Variants in TMOD1 observed in about 807,000 individuals in gnomAD.
The protein encoded by TMOD1 is tropomodulin-1.
TMOD1 carries 17 observed loss-of-function variants against 40.6 expected under a neutral mutation model. The ratio of observed to expected loss-of-function variants is 0.42; its 90% CI spans 0.29 to 0.63. The LOEUF (loss-of-function observed/expected upper bound fraction) is 0.63. Among genes scored for constraint, TMOD1 ranks in the 20% least tolerant of loss-of-function variants. The pLI is 0.22. For synonymous variants in TMOD1, 181 were observed against 175.0 expected (o/e 1.03, Z -0.27); for missense variants, 391 against 447.6 (o/e 0.87, Z 1.14).
At chr9:97,571,972 A>G (rs1830825240) in intron 8 of TMOD1, among the ~76,000 whole-genome samples, 1 of 152,178 alleles carries the variant, frequency 6.6e-6, no homozygotes, top group Non-Finnish European at 1.5e-5. Flanking sequence ...ACCCTCCAGA[A>G]GTTTCCTCAC....
intron 1 of TMOD1, among the ~76,000 whole-genome samples, chr9:97,505,337 T>C (rs1472052455): frequency 6.6e-6 from 1 of 152,288 alleles, no homozygotes; most frequent in South Asian, 2.1e-4. Context: ...CGCATGTCCA[T>C]CCCTGTCTCA....
chr9:97,558,441 G>A (rs1014281400), intron 4 of TMOD1, among the ~76,000 whole-genome samples: 1 of 151,980 alleles, frequency 6.6e-6, no homozygotes, highest in Non-Finnish European at 1.5e-5. Flanking sequence ...CTGTTTGTTT[G>A]TTTGTTTGTT....
chr9:97,584,254 A>C (rs1443865387), intron 8 of TMOD1, among the ~76,000 whole-genome samples: 1 of 152,156 alleles, frequency 6.6e-6, no homozygotes, highest in Non-Finnish European at 1.5e-5. Context: ...TCATTTCGTT[A>C]TGTACCCAGT....
intron 1 of TMOD1, among the ~76,000 whole-genome samples, chr9:97,506,404 T>C (rs966101078): frequency 6.6e-6 from 1 of 152,112 alleles, no homozygotes; most frequent in Non-Finnish European, 1.5e-5. Flanking sequence ...TTTTAATAAA[T>C]GGCTGACCAC....
intron 4 of TMOD1, among the ~76,000 whole-genome samples, chr9:97,556,835 G>A (rs931983545): frequency 6.6e-6 from 1 of 152,236 alleles, no homozygotes; most frequent in Non-Finnish European, 1.5e-5. Context: ...GTAGCAGTGA[G>A]AAAGTGCGGA....
At chr9:97,551,016 T>TATATA (rs1563987965) in intron 3 of TMOD1, among the ~76,000 whole-genome samples, 27 of 5,540 alleles carry the variant, frequency 4.9e-3, no homozygotes, top group African/African-American at 0.021. Flanking sequence ...ATATATATAT[T>TATATA]TTTTTTTTTT....
chr9:97,554,198 G>A (rs1830499805), intron 4 of TMOD1, among the ~76,000 whole-genome samples: 1 of 147,384 alleles, frequency 6.8e-6, no homozygotes, highest in Non-Finnish European at 1.5e-5. Flanking sequence ...GGGCGGGGTG[G>A]GGAAAGGCTC....
intron 2 of TMOD1, among the ~76,000 whole-genome samples, chr9:97,542,294 CTT>C (rs1487062506): frequency 3.3e-5 from 5 of 152,146 alleles, no homozygotes; most frequent in African/African-American, 9.7e-5. Flanking sequence ...AGAAAACAAA[CTT>C]TAACCTCTAA....
intron 1 of TMOD1, among the ~76,000 whole-genome samples, chr9:97,506,534 A>G (rs948208519): frequency 2.0e-5 from 3 of 152,206 alleles, no homozygotes; most frequent in Non-Finnish European, 4.4e-5. Flanking sequence ...CATCAGCTCT[A>G]TGAGGGCAGA....
At chr9:97,518,258 T>C (rs574192140) in intron 1 of TMOD1, among the ~76,000 whole-genome samples, 1 of 151,988 alleles carries the variant, frequency 6.6e-6, no homozygotes, top group South Asian at 2.1e-4. Context: ...GATCCAGACA[T>C]GTGCAGAGGG....
intron 1 of TMOD1, among the ~76,000 whole-genome samples, chr9:97,510,772 T>C (rs987024779): frequency 5.9e-5 from 9 of 152,190 alleles, no homozygotes; most frequent in Middle Eastern, 3.2e-3. Context: ...TGATGGCCTC[T>C]CTTGTTTGTA....
chr9:97,577,835 A>G (rs1825644498), intron 8 of TMOD1, among the ~76,000 whole-genome samples: 1 of 152,206 alleles, frequency 6.6e-6, no homozygotes, highest in African/African-American at 2.4e-5. Context: ...TTGACAGGAA[A>G]AATTCCTTAG....
rs79320430 is a variant in TMOD1 at position 97,587,511 on chromosome 9, G to A, written c.871-3780G>A. Among the ~76,000 whole-genome samples the A allele has an allele frequency of 5.2e-3, 795 of 152,136 alleles. 4 individuals are homozygous for A. Among genetic ancestry groups the A allele is most frequent in the African/African-American group, 0.018 (763 of 41,508 alleles). The stretch of plus-strand genomic sequence containing the variant: ...CTTGTCATGTGATTATCTGCAATAT[G>A]TACATCCTCTTCAGTGAATGTCTCT... On this transcript the variant is annotated intron_variant, in intron 8 of 9. Coordinates refer to ENST00000259365, the MANE Select transcript of TMOD1 (RefSeq NM_003275.4).
chr9:97,589,304 C>T (rs1278679249), intron 8 of TMOD1, among the ~76,000 whole-genome samples: 3 of 115,896 alleles, frequency 2.6e-5, no homozygotes, highest in Non-Finnish European at 3.4e-5. Flanking sequence ...TTTTTTGAGA[C>T]AGAGTCTCAT....
intron 1 of TMOD1, among the ~76,000 whole-genome samples, chr9:97,519,622 A>T (rs1829883478): frequency 6.6e-6 from 1 of 152,114 alleles, no homozygotes; most frequent in African/African-American, 2.4e-5. Flanking sequence ...AAGATGGGAA[A>T]ACAGAGCATC....
intron 9 of TMOD1, among the ~76,000 whole-genome samples, chr9:97,598,695 C>G (rs1243802166): frequency 6.6e-6 from 1 of 152,184 alleles, no homozygotes; most frequent in Non-Finnish European, 1.5e-5. Flanking sequence ...CTTTGTATGG[C>G]CAGTGTCATG....
chr9:97,551,822 A>G (rs1161000675), intron 3 of TMOD1, among the ~76,000 whole-genome samples: 4 of 152,216 alleles, frequency 2.6e-5, no homozygotes, highest in Non-Finnish European at 5.9e-5. Flanking sequence ...CCAAGAACTT[A>G]AAATATTTTT....
At chr9:97,544,544 A>G (rs1199651735) in intron 2 of TMOD1, among the ~76,000 whole-genome samples, 1 of 152,008 alleles carries the variant, frequency 6.6e-6, no homozygotes, top group Non-Finnish European at 1.5e-5. Flanking sequence ...TCAAAAAAAA[A>G]AAGTAAAAAA....
At chr9:97,582,704 G>A (rs1272438210) in intron 8 of TMOD1, among the ~76,000 whole-genome samples, 19 of 98,920 alleles carry the variant, frequency 1.9e-4, no homozygotes, top group Non-Finnish European at 3.2e-4. Flanking sequence ...TCTCCTTGAA[G>A]AGGTCCTTCA....
Sources: allele counts gnomAD v4.1 joint callset (sites outside exome capture counted in the v4.1 genomes callset), GRCh38; gene constraint gnomAD v4.1.1; transcripts MANE v1.5; gene names NCBI Gene and HGNC (gene_info 2026-07-23, HGNC 2026-07-21).